MARK1: variants seen among roughly 807,000 people sequenced by gnomAD.
MARK1 encodes the protein serine/threonine-protein kinase MARK1.
MARK1 carries 40 observed loss-of-function variants against 96.3 expected under a neutral mutation model. The ratio of observed to expected loss-of-function variants is 0.42; its 90% CI spans 0.32 to 0.54. MARK1 has a LOEUF of 0.54. Among genes scored for constraint, MARK1 ranks in the 20% least tolerant of loss-of-function variants. The probability of loss-of-function intolerance (pLI) is 0.16; values close to 1 mark genes in which losing one functional copy is unlikely to be tolerated. For missense variants in MARK1, 719 were observed against 984.6 expected, an observed-to-expected ratio of 0.73 and a Z score of 3.61; for synonymous variants, 317 against 341.2, an observed-to-expected ratio of 0.93 and a Z score of 0.78.
At chr1:220,611,932 C>T (rs530371896) in intron 6 of MARK1, among the ~76,000 whole-genome samples, 2 of 152,104 alleles carry the variant, frequency 1.3e-5, no homozygotes, top group Non-Finnish European at 2.9e-5. Flanking sequence ...GGGGTTTCAG[C>T]ATGTTGGCCA....
intron 3 of MARK1, among the ~76,000 whole-genome samples, chr1:220,595,211 G>A (rs1350361532): frequency 2.0e-5 from 3 of 152,168 alleles, no homozygotes; most frequent in African/African-American, 7.2e-5. Context: ...ATATGTATAT[G>A]TATGTATGTA....
At chr1:220,578,830 T>C (rs1343039703) in intron 1 of MARK1, among the ~76,000 whole-genome samples, 1 of 152,142 alleles carries the variant, frequency 6.6e-6, no homozygotes, top group Non-Finnish European at 1.5e-5. Context: ...CCTAAAGCCA[T>C]GTAGAATATT....
At chr1:220,615,308 T>C (rs1666677004) in intron 6 of MARK1, among the ~76,000 whole-genome samples, 1 of 152,188 alleles carries the variant, frequency 6.6e-6, no homozygotes, top group Non-Finnish European at 1.5e-5. Flanking sequence ...AGGCATAGAA[T>C]ACTTCACCTG....
chr1:220,626,298 T>C (rs1667329433), intron 9 of MARK1: 2 of 540,516 alleles, frequency 3.7e-6, no homozygotes, highest in Admixed American at 1.9e-5. Flanking sequence ...AGGCCTTCTA[T>C]ACCACAGACT....
intron 13 of MARK1, 29 bp downstream of exon 13, chr1:220,636,055 T>A: frequency 7.0e-7 from 1 of 1,436,644 alleles, no homozygotes; most frequent in South Asian, 1.4e-5. Flanking sequence ...ATATTGCAAT[T>A]TATTGTAATA....
intron 1 of MARK1, among the ~76,000 whole-genome samples, chr1:220,566,286 A>G (rs1440638989): frequency 1.3e-5 from 2 of 152,180 alleles, no homozygotes; most frequent in East Asian, 1.9e-4. Flanking sequence ...CTAGGACAAA[A>G]TGGAAGAGAA....
At chr1:220,621,553 G>C (rs1343907683) in intron 9 of MARK1, among the ~76,000 whole-genome samples, 1 of 151,884 alleles carries the variant, frequency 6.6e-6, no homozygotes, top group Non-Finnish European at 1.5e-5. Context: ...AATAGTTTGT[G>C]CTTCTTCATG....
intron 1 of MARK1, among the ~76,000 whole-genome samples, chr1:220,537,719 C>T (rs1338035709): frequency 6.7e-6 from 1 of 149,420 alleles, no homozygotes; most frequent in Non-Finnish European, 1.5e-5. Flanking sequence ...TAAAAGTGTT[C>T]CTATTTCTCC....
At chr1:220,598,003 C>T (rs1665489437) in intron 3 of MARK1, among the ~76,000 whole-genome samples, 1 of 152,078 alleles carries the variant, frequency 6.6e-6, no homozygotes, top group African/African-American at 2.4e-5. Context: ...CAGTGTTTTT[C>T]TTCTGTAGCT....
chr1:220,640,220 G>T (rs1423325800), intron 13 of MARK1, among the ~76,000 whole-genome samples: 1 of 152,186 alleles, frequency 6.6e-6, no homozygotes, highest in African/African-American at 2.4e-5. Flanking sequence ...GCATGAAATG[G>T]TCCCTTGCTT....
intron 1 of MARK1, among the ~76,000 whole-genome samples, chr1:220,553,695 C>G (rs1212734583): frequency 6.6e-6 from 1 of 152,110 alleles, no homozygotes; most frequent in South Asian, 2.1e-4. Flanking sequence ...GTCAATTGCT[C>G]AGTGTTTACT....
intron 1 of MARK1, among the ~76,000 whole-genome samples, chr1:220,537,855 TC>T (rs1209062782): frequency 6.6e-6 from 1 of 152,034 alleles, no homozygotes; most frequent in African/African-American, 2.4e-5. Context: ...GAGCATTTTT[TC>T]ATGTGTCTTT....
At chr1:220,604,171 A>G (rs773352128) in intron 6 of MARK1, 34 bp downstream of exon 6, 1 of 1,461,312 alleles carries the variant, frequency 6.8e-7, no homozygotes, top group East Asian at 2.3e-5. Context: ...TGTTTTGCTG[A>G]TAATTGTAGC....
chr1:220,633,639 G>T lies in MARK1; in HGVS notation c.1122+1326G>T, dbSNP rs1667792665. 3.3e-5 allele frequency among the ~76,000 whole-genome samples: 5 copies of T among 152,166 alleles called. 1 individual carries two copies. In the South Asian group the frequency reaches 1.0e-3, roughly 32 times the overall value. ...ACTCTGGGAGCATATAGGTGGACAT[G>T]TACCTACAACAGGCTAAGGTCAGAC... On this transcript the variant is annotated intron_variant, in intron 11 of 17. Transcript: ENST00000366917.
intron 1 of MARK1, among the ~76,000 whole-genome samples, chr1:220,574,141 A>G (rs1395345764): frequency 6.6e-6 from 1 of 152,132 alleles, no homozygotes; most frequent in Non-Finnish European, 1.5e-5. Flanking sequence ...CATACTGGAC[A>G]TTTTTATTGA....
intron 6 of MARK1, among the ~76,000 whole-genome samples, 190 bp from the exon 7 acceptor site, chr1:220,615,749 A>G (rs913615406): frequency 6.6e-6 from 1 of 152,188 alleles, no homozygotes; most frequent in Non-Finnish European, 1.5e-5. Context: ...TTACTTTACC[A>G]TATTTTCTGC....
intron 1 of MARK1, among the ~76,000 whole-genome samples, chr1:220,559,896 A>C (rs55691989): frequency 0.94 from 142,813 of 152,106 alleles, 67,754 homozygotes; most frequent in East Asian, 1. Context: ...GTACAGTAGA[A>C]CATACTTGGG....
chr1:220,631,756 C>A (rs1482311892), intron 10 of MARK1, among the ~76,000 whole-genome samples: 2 of 152,070 alleles, frequency 1.3e-5, no homozygotes, highest in Non-Finnish European at 2.9e-5. Flanking sequence ...ATCAGAAAAA[C>A]CATGGAAATT....
At chr1:220,566,216 CATT>C (rs1010376504) in intron 1 of MARK1, among the ~76,000 whole-genome samples, 1 of 152,070 alleles carries the variant, frequency 6.6e-6, no homozygotes, top group Non-Finnish European at 1.5e-5. Context: ...CTGGTAGTAA[CATT>C]ATTCCTGTTT....
Sources: gnomAD v4.1 joint callset for allele counts (sites outside exome capture counted in the v4.1 genomes callset) on GRCh38, gnomAD v4.1.1 for gene constraint, MANE v1.5 for transcripts, NCBI Gene and HGNC (gene_info 2026-07-23, HGNC 2026-07-21) for gene names.